TPH2: variants seen among roughly 807,000 people sequenced by gnomAD.
TPH2 encodes the protein tryptophan hydroxylase 2, also known as tryptophan 5-hydroxylase 2.
TPH2 carries 27 observed loss-of-function variants against 59.1 expected under a neutral mutation model. That is an observed-to-expected ratio of 0.46 (90% CI 0.34 to 0.63). The LOEUF is 0.63. Among genes scored for constraint, TPH2 ranks in the 30% least tolerant of loss-of-function variants. The pLI is 0.01. For missense variants in TPH2, 523 were observed against 588.3 expected (o/e 0.89, Z 1.15); for synonymous variants, 220 against 210.5 (o/e 1.05, Z -0.39).
chr12:72,003,007 G>T (rs1457511357), intron 8 of TPH2, among the ~76,000 whole-genome samples: 3 of 152,090 alleles, frequency 2.0e-5, no homozygotes, highest in Non-Finnish European at 2.9e-5. Flanking sequence ...TGTTAGAAGT[G>T]TAATTATAAA....
chr12:72,011,160 T>C (rs1010568755), intron 8 of TPH2, among the ~76,000 whole-genome samples: 1 of 152,182 alleles, frequency 6.6e-6, no homozygotes, highest in Non-Finnish European at 1.5e-5. Flanking sequence ...TGGAAAAAGA[T>C]AGAACTGCTT....
intron 1 of TPH2, among the ~76,000 whole-genome samples, chr12:71,939,355 G>A (rs1870990412): frequency 8.5e-6 from 1 of 117,076 alleles, no homozygotes. Flanking sequence ...TGAACATTAA[G>A]AATGAGAGAT....
At chr12:72,009,057 AC>A (rs1448529266) in intron 8 of TPH2, among the ~76,000 whole-genome samples, 2 of 152,182 alleles carry the variant, frequency 1.3e-5, no homozygotes, top group African/African-American at 4.8e-5. Flanking sequence ...TCTCTCAAAA[AC>A]AAAAACAGAA....
chr12:71,949,689 C>G, intron 5 of TPH2, 34 bp downstream of exon 5: 2 of 1,567,206 alleles, frequency 1.3e-6, no homozygotes, highest in Non-Finnish European at 1.8e-6. Context: ...TTGTCACTGG[C>G]TAGTTAGGAA....
intron 6 of TPH2, among the ~76,000 whole-genome samples, chr12:71,974,236 A>G (rs993181850): frequency 6.6e-6 from 1 of 152,070 alleles, no homozygotes; most frequent in Non-Finnish European, 1.5e-5. Context: ...CCCCAATCCC[A>G]TACTCAGTCC....
intron 7 of TPH2, among the ~76,000 whole-genome samples, chr12:71,993,918 G>A (rs998177372): frequency 6.6e-6 from 1 of 152,098 alleles, no homozygotes; most frequent in Non-Finnish European, 1.5e-5. Flanking sequence ...AATTATTTTA[G>A]CCCTATGATC....
chr12:72,010,078 A>G (rs537179561), intron 8 of TPH2, among the ~76,000 whole-genome samples: 94 of 152,352 alleles, frequency 6.2e-4, no homozygotes, highest in African/African-American at 1.7e-3. Context: ...TTTTACACAC[A>G]GGGAACCTAA....
At chr12:71,958,940 A>G (rs188615852) in intron 5 of TPH2, among the ~76,000 whole-genome samples, 1 of 152,342 alleles carries the variant, frequency 6.6e-6, no homozygotes, top group Admixed American at 6.5e-5. Flanking sequence ...CAGCAGGCAC[A>G]TTCAATTTGG....
At chr12:71,957,522 G>C (rs1871544567) in intron 5 of TPH2, among the ~76,000 whole-genome samples, 3 of 151,756 alleles carry the variant, frequency 2.0e-5, no homozygotes, top group Admixed American at 2.0e-4. Flanking sequence ...ATTTTGTAGA[G>C]ACACAGGTCT....
rs1871071307 is a variant in TPH2, at chr12:71,941,643, T to C, written c.165T>C (p.Arg55=). ...AAGGCAACAAGGGAAGCAGCAAACG[T>C]GAAGCTGCTACCGAAAGTGGCAAGA... is the stretch of plus-strand genomic sequence containing the variant. ...DDKGNKGSSK[R]EAATESGKTA... Residue 55 remains arginine, a synonymous_variant, in exon 2 of 11, where the codon CGT becomes CGC. Transcript: ENST00000333850. The C allele has an allele frequency of 1.2e-6, 2 of 1,614,116 alleles. No individual in the cohort carries two copies. The highest frequency in any genetic ancestry group is 1.7e-6 in the Non-Finnish European group (2 of 1,179,976).
chr12:71,996,262 A>G (rs1052629956), intron 8 of TPH2, among the ~76,000 whole-genome samples: 1 of 152,214 alleles, frequency 6.6e-6, no homozygotes, highest in Non-Finnish European at 1.5e-5. Flanking sequence ...AAGTGATGAC[A>G]GAGAGTGAGA....
rs1872785233 is a variant in TPH2 at position 72,000,111 on chromosome 12, G to A, written c.1068+5546G>A. ...TATTTAAAACCCATTAATGAGGGAG[G>A]GAAAAGCAGGATGGTAAATCTAGTT... On this transcript the variant is annotated intron_variant, in intron 8 of 10. Transcript: ENST00000333850. Among the ~76,000 whole-genome samples the A allele has an allele frequency of 4.6e-5, 7 of 152,238 alleles. No individual in the cohort carries two copies. The South Asian group carries it at 1.5e-3, about 32-fold the overall frequency.
In TPH2 at chr12:72,032,316, T is replaced by A. The variant is rs557640219; in HGVS notation, c.*621T>A. On this transcript the variant is annotated 3_prime_UTR_variant, in exon 11 of 11. Transcript: ENST00000333850. Reference sequence around the variant, plus strand: ...CGTTGACCTTGTAGAACCTGAGTTATGACAAGCTTCCTGAAGTATTTTGGA... The same window carrying A: ...CGTTGACCTTGTAGAACCTGAGTTAAGACAAGCTTCCTGAAGTATTTTGGA... 1 of 154,316 alleles carries A rather than the reference T, an allele frequency of 6.5e-6. No homozygotes were observed. Among genetic ancestry groups the A allele is most frequent in the African/African-American group, 2.4e-5 (1 of 41,566 alleles). 9.6% of individuals were successfully genotyped at this position (154,316 alleles called of 1,614,324 possible).
In TPH2 at chr12:72,022,460, G is replaced by A; in HGVS notation, c.1130G>A (p.Gly377Glu). The A allele has an allele frequency of 6.2e-7, 1 of 1,613,914 alleles. No individual in the cohort carries two copies. The highest frequency in any genetic ancestry group is 8.5e-7 in the Non-Finnish European group (1 of 1,179,822). Residue 377 changes from glycine (G) to glutamate (E), a missense_variant, in exon 9 of 11, where the codon GGA becomes GAA. Coordinates refer to ENST00000333850, the MANE Select transcript of TPH2 (RefSeq NM_173353.4). Reference protein sequence around the residue: ...CKQEGQLRAYGAGLLSSIGEL... With the variant: ...CKQEGQLRAYEAGLLSSIGEL... ...CAAGAAGGGCAACTGCGGGCATATG[G>A]AGCAGGACTCCTTTCCTCCATTGGA...
chr12:71,959,353 C>T (rs539193284), intron 5 of TPH2, among the ~76,000 whole-genome samples: 20 of 152,256 alleles, frequency 1.3e-4, no homozygotes, highest in African/African-American at 4.8e-4. Context: ...GGGTAGACTG[C>T]AGACTTGGAG....
intron 9 of TPH2, among the ~76,000 whole-genome samples, chr12:72,023,563 C>T (rs1873482628): frequency 6.6e-6 from 1 of 152,112 alleles, no homozygotes; most frequent in African/African-American, 2.4e-5. Flanking sequence ...GGTGCATTGG[C>T]TCATGCTTGT....
At chr12:72,004,639 T>C (rs1177544365) in intron 8 of TPH2, among the ~76,000 whole-genome samples, 2 of 152,200 alleles carry the variant, frequency 1.3e-5, no homozygotes, top group Admixed American at 1.3e-4. Context: ...GGTTTTCTGG[T>C]TTAACTACAA....
intron 7 of TPH2, among the ~76,000 whole-genome samples, chr12:71,993,322 T>A (rs535975533): frequency 6.6e-6 from 1 of 152,252 alleles, no homozygotes; most frequent in African/African-American, 2.4e-5. Flanking sequence ...TTTGAAGTGA[T>A]AGATTTCAGA....
Position 71,974,316 on chromosome 12 carries a change from C to T in TPH2, c.805+1601C>T, listed in dbSNP as rs372085964. On this transcript the variant is annotated intron_variant, in intron 6 of 10. Transcript: ENST00000333850. ...ACAAACTTTGTGACTTAAAACAACA[C>T]GAGTTATCTCACAGCTCTGGAGCTA... Among the ~76,000 whole-genome samples, 9 of 152,292 alleles carry T rather than the reference C, an allele frequency of 5.9e-5. No homozygotes were observed. The East Asian group carries it at 1.2e-3, about 20-fold the overall frequency.
Sources: gnomAD v4.1 joint callset for allele counts (sites outside exome capture counted in the v4.1 genomes callset) on GRCh38, gnomAD v4.1.1 for gene constraint, MANE v1.5 for transcripts, NCBI Gene and HGNC (gene_info 2026-07-23, HGNC 2026-07-21) for gene names.